PRRC2C: variants seen among roughly 807,000 people sequenced by gnomAD.
PRRC2C encodes the protein proline rich coiled-coil 2C.
PRRC2C carries 72 observed loss-of-function variants against 317.2 expected under a neutral mutation model. The observed-to-expected ratio is 0.23, with a 90% CI of 0.19 to 0.28. The LOEUF (loss-of-function observed/expected upper bound fraction) is 0.28, where lower values mean the gene tolerates loss of function less well. PRRC2C is among the 10% of genes least tolerant of loss of function. The probability of loss-of-function intolerance (pLI) is 1.00; values close to 1 mark genes in which losing one functional copy is unlikely to be tolerated. For synonymous variants in PRRC2C, 1,296 were observed against 1,205.9 expected, an observed-to-expected ratio of 1.07 and a Z score of -1.55; for missense variants, 3,074 against 3,459.7, an observed-to-expected ratio of 0.89 and a Z score of 2.80.
At position 171,549,566 on chromosome 1, in the gene PRRC2C, T is replaced by A. The variant is rs1293168296; in HGVS notation, c.4973-520T>A. ...AGACCTATATCATTCAAAACAGGTA[T>A]TTTTAGGATTTTTTGGACAGAGTCG... On this transcript the variant is annotated intron_variant, in intron 17 of 34. Coordinates refer to ENST00000647382, the MANE Select transcript of PRRC2C (RefSeq NM_001387844.1). Among the ~76,000 whole-genome samples, 3 of 152,244 alleles carry A rather than the reference T, an allele frequency of 2.0e-5. No individual in the cohort carries two copies. In the East Asian group the frequency reaches 5.8e-4, roughly 29 times the overall value.
At chr1:171,578,997 G>C (rs1647881255) in intron 26 of PRRC2C, among the ~76,000 whole-genome samples, 1 of 152,176 alleles carries the variant, frequency 6.6e-6, no homozygotes, top group Non-Finnish European at 1.5e-5. Context: ...GATTCTAGTA[G>C]GTAGGTTTAA....
chr1:171,548,477 T>TA (rs1330422512), intron 17 of PRRC2C, among the ~76,000 whole-genome samples: 1 of 152,234 alleles, frequency 6.6e-6, no homozygotes, highest in African/African-American at 2.4e-5. Context: ...ATTGTATACT[T>TA]ATCGTTTCCA....
intron 12 of PRRC2C, among the ~76,000 whole-genome samples, chr1:171,533,169 A>T (rs927715088): frequency 2.6e-5 from 4 of 152,204 alleles, no homozygotes; most frequent in African/African-American, 7.2e-5. Flanking sequence ...CAGTTATTAG[A>T]TGAGCTTCAT....
intron 1 of PRRC2C, among the ~76,000 whole-genome samples, chr1:171,486,987 A>T (rs1666247352): frequency 6.6e-6 from 1 of 152,194 alleles, no homozygotes; most frequent in Admixed American, 6.5e-5. Flanking sequence ...AATTAGGAAT[A>T]AATTGAACTT....
At chr1:171,513,706 T>C (rs1482693979) in intron 3 of PRRC2C, among the ~76,000 whole-genome samples, 1 of 152,196 alleles carries the variant, frequency 6.6e-6, no homozygotes, top group East Asian at 1.9e-4. Context: ...TCTTAGCTAA[T>C]TGAATGACCA....
In PRRC2C at chr1:171,540,024, A is replaced by G. The variant is rs761320348; in HGVS notation, c.2558A>G (p.His853Arg). ...EQITAAYSVEHNQLEAHPKAD... is the reference protein window; with the variant it reads ...EQITAAYSVERNQLEAHPKAD... ...ATTACTGCTGCTTATTCTGTAGAAC[A>G]TAATCAATTAGAGGCTCACCCAAAG... Residue 853 changes from histidine to arginine, a missense_variant, in exon 16 of 35, where the codon CAT becomes CGT. Around this residue, in one of 11 missense-constraint regions of PRRC2C, gnomAD observed 1,320 missense variants for 1,395.7 expected, o/e 0.95. Coordinates refer to ENST00000647382, the MANE Select transcript of PRRC2C (RefSeq NM_001387844.1). 1.9e-6 allele frequency: 3 copies of G among 1,613,982 alleles called. No homozygotes were observed. Among genetic ancestry groups the G allele is most frequent in the African/African-American group, 1.3e-5 (1 of 75,068 alleles).
At chr1:171,544,085 T>G (rs1678541442) in intron 16 of PRRC2C, among the ~76,000 whole-genome samples, 1 of 152,130 alleles carries the variant, frequency 6.6e-6, no homozygotes, top group Non-Finnish European at 1.5e-5. Flanking sequence ...GCATTGCCAT[T>G]AGGGACCAAG....
chr1:171,517,942 CTT>C, intron 6 of PRRC2C, 128 bp downstream of exon 6: 1 of 712,958 alleles, frequency 1.4e-6, no homozygotes, highest in South Asian at 1.9e-5. Flanking sequence ...TTAGCATTCT[CTT>C]TTATTGTATG....
chr1:171,529,318 TCA>T (rs1358972951), intron 11 of PRRC2C, among the ~76,000 whole-genome samples: 4 of 152,056 alleles, frequency 2.6e-5, no homozygotes, highest in Non-Finnish European at 4.4e-5. Context: ...CTTTTAAGAG[TCA>T]TATATTCAAC....
chr1:171,485,557 T>C lies in PRRC2C; in HGVS notation c.-236T>C, dbSNP rs1665860903. On this transcript the variant is annotated 5_prime_UTR_variant, in exon 1 of 35. Transcript: ENST00000647382. ...CATCTTGCTTCTTTTTCTCGCTCGC[T>C]CGCTCCCCCTCGGAAAGCTGCGAAA... 1 of 152,714 alleles carries C rather than the reference T, an allele frequency of 6.5e-6. No homozygotes were observed. 9.5% of individuals were successfully genotyped at this position (152,714 alleles called of 1,614,324 possible).
intron 1 of PRRC2C, among the ~76,000 whole-genome samples, chr1:171,491,976 G>A (rs1276454282): frequency 6.6e-6 from 1 of 152,146 alleles, no homozygotes; most frequent in African/African-American, 2.4e-5. Flanking sequence ...AAGCACAATA[G>A]GGAAGGTACA....
Position 171,588,435 on chromosome 1 carries a change from A to C in PRRC2C, c.8129A>C (p.Gln2710Pro). The C allele has an allele frequency of 6.2e-7, 1 of 1,613,728 alleles. No homozygotes were observed. Among genetic ancestry groups the C allele is most frequent in the Non-Finnish European group, 8.5e-7 (1 of 1,179,704 alleles). The change falls in exon 33 of 35, where the codon CAG (glutamine) becomes CCG (proline). Residue 2710 changes from glutamine to proline, a missense_variant. By Grantham distance (76) the Gln-to-Pro change is moderately conservative. This residue lies in a region of PRRC2C where 490 missense variants were observed against 663.1 expected (regional missense o/e 0.74). Transcript: ENST00000647382. ...AGCAAAATGAACAGCATTGTCTACC[A>C]GAAGCAGTTCCAGTCAGCCCCTGCC... ...QSSKMNSIVY[Q>P]KQFQSAPATV...
At position 171,517,873 on chromosome 1, in the gene PRRC2C, G is replaced by C. The variant is rs944553565; in HGVS notation, c.750+59G>C. The C allele has an allele frequency of 1.2e-5, 18 of 1,461,004 alleles. No individual in the cohort carries two copies. In the East Asian group the frequency reaches 2.6e-4, roughly 21 times the overall value. 90.5% of individuals were successfully genotyped at this position (1,461,004 alleles called of 1,614,324 possible). On this transcript the variant is annotated intron_variant, in intron 6 of 34. Coordinates refer to ENST00000647382, the MANE Select transcript of PRRC2C (RefSeq NM_001387844.1). ...AGTGGTTTTTGATCTGGGGTCCAAG[G>C]AGCGAATTGTTATAGGGAAAAGTTT...
At chr1:171,528,785 A>C (rs945144396) in intron 11 of PRRC2C, among the ~76,000 whole-genome samples, 6 of 151,936 alleles carry the variant, frequency 3.9e-5, no homozygotes, top group Admixed American at 1.3e-4. Flanking sequence ...AGTCATTGAC[A>C]TAGTTGATTT....
At chr1:171,586,543 GTATTTTATTTTATTTTATTT>G (rs560341256) in intron 30 of PRRC2C, among the ~76,000 whole-genome samples, 102 of 132,252 alleles carry the variant, frequency 7.7e-4, no homozygotes, top group African/African-American at 1.9e-3. Flanking sequence ...TGTGTTCTAT[GTATTTTATTTTATTTTATTT>G]TATTTTATTT....
At chr1:171,590,204 C>T (rs893956664) in intron 34 of PRRC2C, among the ~76,000 whole-genome samples, 2 of 152,052 alleles carry the variant, frequency 1.3e-5, no homozygotes, top group Non-Finnish European at 2.9e-5. Flanking sequence ...TGGTTGTATT[C>T]CACAGTGGAT....
intron 6 of PRRC2C, among the ~76,000 whole-genome samples, chr1:171,520,260 G>T (rs1224793331): frequency 6.6e-6 from 1 of 152,184 alleles, no homozygotes; most frequent in African/African-American, 2.4e-5. Flanking sequence ...ACCGTGCCTG[G>T]CCATTAAACG....
At chr1:171,561,855 CTTCA>C in intron 20 of PRRC2C, among the ~76,000 whole-genome samples, 1 of 152,222 alleles carries the variant, frequency 6.6e-6, no homozygotes, top group Middle Eastern at 3.4e-3. Flanking sequence ...GTCAGTGATT[CTTCA>C]TTCATTCATT....
rs141304017 is a variant in PRRC2C at position 171,497,227 on chromosome 1, T to A, written c.-58+11492T>A. On this transcript the variant is annotated intron_variant, in intron 1 of 34. Coordinates refer to ENST00000647382, the MANE Select transcript of PRRC2C (RefSeq NM_001387844.1). Reference sequence around the variant, plus strand: ...TTAGGGTCTCTTAAGTGACATTTATTGTTTTATATTTCAGTTTGTTAATTT... The same window carrying A: ...TTAGGGTCTCTTAAGTGACATTTATAGTTTTATATTTCAGTTTGTTAATTT... Among the ~76,000 whole-genome samples, 48 of 152,330 alleles carry A rather than the reference T, an allele frequency of 3.2e-4. No homozygotes were observed. In the East Asian group the frequency reaches 3.3e-3, roughly 10 times the overall value.
Sources: gnomAD v4.1 joint callset for allele counts (sites outside exome capture counted in the v4.1 genomes callset) on GRCh38, gnomAD v4.1.1 for gene constraint, gnomAD v4.1.1 regional missense constraint, MANE v1.5 for transcripts, NCBI Gene and HGNC (gene_info 2026-07-23, HGNC 2026-07-21) for gene names.